The following HOMEZ variants were observed in gnomAD, a reference collection of about 807,000 sequenced individuals.
HOMEZ encodes the protein homeobox and leucine zipper protein Homez.
Under a neutral mutation model 50.1 loss-of-function variants are expected in HOMEZ, and 20 were observed. The observed-to-expected ratio is 0.40, with a 90% CI of 0.28 to 0.58. The LOEUF (loss-of-function observed/expected upper bound fraction) is 0.58. Among genes scored for constraint, HOMEZ ranks in the 20% least tolerant of loss-of-function variants. HOMEZ has a pLI of 0.46. For missense variants in HOMEZ, 579 were observed against 680.5 expected (o/e 0.85, Z 1.66); for synonymous variants, 239 against 254.7 (o/e 0.94, Z 0.59).
intron 1 of HOMEZ, among the ~76,000 whole-genome samples, chr14:23,283,063 C>T (rs1318567890): frequency 6.6e-6 from 1 of 152,082 alleles, no homozygotes; most frequent in East Asian, 1.9e-4. Flanking sequence ...ATCTTGTGTT[C>T]TTGTGTGTCC....
At position 23,274,160 on chromosome 14, in the gene HOMEZ, T is replaced by G. The variant is rs541836082; in HGVS notation, c.*1415A>C. On this transcript the variant is annotated 3_prime_UTR_variant, in exon 2 of 2. Coordinates refer to ENST00000357460, the MANE Select transcript of HOMEZ (RefSeq NM_020834.3). ...TGATACCTATTTGCCATATAGCTGA[T>G]CCCAACTGATGAAAACCATTCTAAA... 1 of 152,726 alleles carries G rather than the reference T, an allele frequency of 6.5e-6. No homozygotes were observed. The highest frequency in any genetic ancestry group is 2.1e-4 in the South Asian group (1 of 4,822). The allele number at this position is 152,726 out of a possible 1,614,324, so 9.5% of individuals were successfully genotyped here.
Position 23,275,398 on chromosome 14 carries a change from C to G in HOMEZ, c.*177G>C. The G allele has an allele frequency of 1.4e-6, 1 of 718,902 alleles. No individual in the cohort carries two copies. The highest frequency in any genetic ancestry group is 2.2e-6 in the Non-Finnish European group (1 of 446,478). 44.5% of individuals were successfully genotyped at this position (718,902 alleles called of 1,614,324 possible). Reference sequence around the variant, plus strand: ...TCCAATCCCAGCCTTACTTAGTGCCCTATGGTCATTCTCCCTGGTCCACCC... The same window carrying G: ...TCCAATCCCAGCCTTACTTAGTGCCGTATGGTCATTCTCCCTGGTCCACCC... On this transcript the variant is annotated 3_prime_UTR_variant, in exon 2 of 2. Coordinates refer to ENST00000357460, the MANE Select transcript of HOMEZ (RefSeq NM_020834.3).
intron 1 of HOMEZ, among the ~76,000 whole-genome samples, chr14:23,278,060 C>A (rs1886408262): frequency 6.6e-6 from 1 of 152,058 alleles, no homozygotes; most frequent in Non-Finnish European, 1.5e-5. Flanking sequence ...AACTCCTGAC[C>A]TCGTGATCCA....
At position 23,275,441 on chromosome 14, in the gene HOMEZ, C is replaced by G; in HGVS notation, c.*134G>C. The G allele has an allele frequency of 1.7e-6, 2 of 1,181,604 alleles. No individual in the cohort carries two copies. The highest frequency in any genetic ancestry group is 2.9e-5 in the Admixed American group (1 of 34,870). 73.2% of individuals were successfully genotyped at this position (1,181,604 alleles called of 1,614,324 possible). On this transcript the variant is annotated 3_prime_UTR_variant, in exon 2 of 2. Transcript: ENST00000357460. Reference sequence around the variant, plus strand: ...GTCCACCCTCACTATATCCCCCTGCCACCCACCCTGAAGAACACAAAGCTT... The same window carrying G: ...GTCCACCCTCACTATATCCCCCTGCGACCCACCCTGAAGAACACAAAGCTT...
rs1277997597 is a variant in HOMEZ, at chr14:23,275,303, T to C, written c.*272A>G. The C allele has an allele frequency of 4.3e-6, 2 of 462,766 alleles. No individual in the cohort carries two copies. The highest frequency in any genetic ancestry group is 7.6e-6 in the Non-Finnish European group (2 of 263,646). The allele number at this position is 462,766 out of a possible 1,614,324, so 28.7% of individuals were successfully genotyped here. A position where few individuals can be genotyped will look rare whatever the true frequency, so the allele number is the denominator to read the frequency against. On this transcript the variant is annotated 3_prime_UTR_variant, in exon 2 of 2. Coordinates refer to ENST00000357460, the MANE Select transcript of HOMEZ (RefSeq NM_020834.3). ...AGACACGAGGAGAGCAAGAGCAGCT[T>C]CCCAGCCCATGGTTTCCCCAGATCC...
Position 23,276,284 on chromosome 14 carries a change from G to A in HOMEZ, c.944C>T (p.Ser315Leu), listed in dbSNP as rs766741914. 1.2e-6 allele frequency: 2 copies of A among 1,613,808 alleles called. No homozygotes were observed. The highest frequency in any genetic ancestry group is 3.3e-5 in the Admixed American group (2 of 59,990). The change falls in exon 2 of 2, where the codon TCA becomes TTA. Residue 315 changes from serine to leucine, a missense_variant. Transcript: ENST00000357460. The surrounding 1 kb of genome is among the most constrained non-coding windows in gnomAD (Gnocchi z 4.1). The stretch of plus-strand genomic sequence containing the variant: ...TAATGCCTGTTCACTGGGTGACACT[G>A]ACTGTGGGACACAGCCTAGTGGCTG... ...PLQPLGCVPQ[S>L]VSPSEQALPP...
rs372025972 is a variant in HOMEZ, at chr14:23,276,320, G to A, written c.908C>T (p.Ser303Phe). 121 of 1,613,770 alleles carry A rather than the reference G, an allele frequency of 7.5e-5. No individual in the cohort carries two copies. Among genetic ancestry groups the A allele is most frequent in the Non-Finnish European group, 9.9e-5 (117 of 1,179,848 alleles). The change falls in exon 2 of 2, where the codon TCT becomes TTT. Residue 303 changes from serine to phenylalanine, a missense_variant. Physicochemically the swap from Ser to Phe is radical, Grantham distance 155. Coordinates refer to ENST00000357460, the MANE Select transcript of HOMEZ (RefSeq NM_020834.3). The surrounding 1 kb of genome is among the most constrained non-coding windows in gnomAD (Gnocchi z 4.1). Reference sequence around the variant, plus strand: ...ACAGCCTAGTGGCTGGAGGGGTTTAGAGGCGGCAGTAGCTCCATTAGCCAG... The same window carrying A: ...ACAGCCTAGTGGCTGGAGGGGTTTAAAGGCGGCAGTAGCTCCATTAGCCAG... ...QVLANGATAA[S>F]KPLQPLGCVP...
chr14:23,274,068 C>T lies in HOMEZ; in HGVS notation c.*1507G>A, dbSNP rs1886280021. 6.6e-6 allele frequency: 1 copy of T among 152,520 alleles called. No homozygotes were observed. Among genetic ancestry groups the T allele is most frequent in the Non-Finnish European group, 1.5e-5 (1 of 67,996 alleles). 9.4% of individuals were successfully genotyped at this position (152,520 alleles called of 1,614,324 possible). ...GAGAGAGAAACAATTTTATTTTTGG[C>T]CTTTTTATTATTATTCTAGCATTTT... On this transcript the variant is annotated 3_prime_UTR_variant, in exon 2 of 2. Transcript: ENST00000357460.
chr14:23,274,444 T>G lies in HOMEZ; in HGVS notation c.*1131A>C, dbSNP rs1207941541. The G allele has an allele frequency of 6.5e-6, 1 of 152,678 alleles. No individual in the cohort carries two copies. Among genetic ancestry groups the G allele is most frequent in the Non-Finnish European group, 1.5e-5 (1 of 68,046 alleles). 9.5% of individuals were successfully genotyped at this position (152,678 alleles called of 1,614,324 possible). On this transcript the variant is annotated 3_prime_UTR_variant, in exon 2 of 2. Transcript: ENST00000357460. ...CACAATTCTACTGTTTAAAAGGACA[T>G]CTTCCCTAATTACCACCTCCAATAA...
At chr14:23,277,579 C>T (rs1277186685) in intron 1 of HOMEZ, among the ~76,000 whole-genome samples, 1 of 151,970 alleles carries the variant, frequency 6.6e-6, no homozygotes, top group Non-Finnish European at 1.5e-5. Flanking sequence ...CACAGTGAGA[C>T]TACAAAAAAT....
chr14:23,286,028 G>A lies in HOMEZ; in HGVS notation c.-76C>T, dbSNP rs1407530645. The stretch of plus-strand genomic sequence containing the variant: ...GGTTGCTGCCCGGTGCGGCCGCTCC[G>A]AGCCCACCCCAGCGATGGCCGAAAC... On this transcript the variant is annotated 5_prime_UTR_variant, in exon 1 of 2. Transcript: ENST00000357460. The A allele has an allele frequency of 1.6e-6, 2 of 1,232,850 alleles. No individual in the cohort carries two copies. Among genetic ancestry groups the A allele is most frequent in the South Asian group, 4.1e-5 (1 of 24,306 alleles). 76.4% of individuals were successfully genotyped at this position (1,232,850 alleles called of 1,614,324 possible). A position where few individuals can be genotyped will look rare whatever the true frequency, so the allele number is the denominator to read the frequency against.
At chr14:23,281,802 TAATAA>T in intron 1 of HOMEZ, among the ~76,000 whole-genome samples, 1 of 96,190 alleles carries the variant, frequency 1.0e-5, no homozygotes, top group East Asian at 3.3e-4. Flanking sequence ...TCTCTACAAA[TAATAA>T]TAATAATAAT....
In HOMEZ at chr14:23,276,409, A is replaced by T. The variant is rs1177316996; in HGVS notation, c.819T>A (p.Cys273Ter). The change falls in exon 2 of 2, where the codon TGT (cysteine) becomes TGA (stop). Residue 273 changes from cysteine to a stop codon, truncating the protein, a stop_gained. Coordinates refer to ENST00000357460, the MANE Select transcript of HOMEZ (RefSeq NM_020834.3). LOFTEE classifies it high-confidence loss of function. This position sits in a 1 kb window ranked among gnomAD's most constrained non-coding sequence, Gnocchi z 4.1. ...TAACACTAGATGCTGACTCCTCCTT[A>T]CAACTACTGGCAATTAATGCAATTG... ...PPPIALIASS[C>*]KEESASSVTP... is the part of the protein sequence containing the mutation. 6.2e-7 allele frequency: 1 copy of T among 1,614,044 alleles called. No individual in the cohort carries two copies. Among genetic ancestry groups the T allele is most frequent in the African/African-American group, 1.3e-5 (1 of 75,064 alleles).
intron 1 of HOMEZ, among the ~76,000 whole-genome samples, chr14:23,282,871 G>A (rs1199606524): frequency 6.6e-6 from 1 of 152,204 alleles, no homozygotes; most frequent in Non-Finnish European, 1.5e-5. Flanking sequence ...CAAAACACCA[G>A]TTATGGAACA....
rs546235900 is a variant in HOMEZ at position 23,286,109 on chromosome 14, G to T, written c.-157C>A. On this transcript the variant is annotated 5_prime_UTR_variant, in exon 1 of 2. Transcript: ENST00000357460. ...CGCGCCGGTCTACCCAGCCCTGCTC[G>T]AGCAAGTTGGAGGCGGGGCGGATGG... 2 of 1,229,724 alleles carry T rather than the reference G, an allele frequency of 1.6e-6. No homozygotes were observed. The highest frequency in any genetic ancestry group is 2.0e-6 in the Non-Finnish European group (2 of 986,902). 76.2% of individuals were successfully genotyped at this position (1,229,724 alleles called of 1,614,324 possible).
intron 1 of HOMEZ, among the ~76,000 whole-genome samples, chr14:23,281,799 A>AAATAATAAT (rs55828215): frequency 1.0e-3 from 143 of 137,442 alleles, no homozygotes; most frequent in Middle Eastern, 7.4e-3. Flanking sequence ...CTGTCTCTAC[A>AAATAATAAT]AATAATAATA....
At position 23,274,402 on chromosome 14, in the gene HOMEZ, C is replaced by T. The variant is rs1299396694; in HGVS notation, c.*1173G>A. Reference sequence around the variant, plus strand: ...TCAACAAGGAGAAACTATTCCCTCTCTTTCACCCCTTTGTAACACAATTCT... The same window carrying T: ...TCAACAAGGAGAAACTATTCCCTCTTTTTCACCCCTTTGTAACACAATTCT... On this transcript the variant is annotated 3_prime_UTR_variant, in exon 2 of 2. Coordinates refer to ENST00000357460, the MANE Select transcript of HOMEZ (RefSeq NM_020834.3). 6.5e-6 allele frequency: 1 copy of T among 152,672 alleles called. No homozygotes were observed. Among genetic ancestry groups the T allele is most frequent in the Non-Finnish European group, 1.5e-5 (1 of 68,046 alleles). 9.5% of individuals were successfully genotyped at this position (152,672 alleles called of 1,614,324 possible).
In HOMEZ at chr14:23,275,623, C is replaced by T. The variant is rs963587001; in HGVS notation, c.1605G>A (p.Glu535=). 6.8e-7 allele frequency: 1 copy of T among 1,467,018 alleles called. No individual in the cohort carries two copies. The highest frequency in any genetic ancestry group is 9.2e-7 in the Non-Finnish European group (1 of 1,087,632). 90.9% of individuals were successfully genotyped at this position (1,467,018 alleles called of 1,614,324 possible). The change falls in exon 2 of 2, where the codon GAG becomes GAA. Residue 535 remains glutamate, a synonymous_variant. Transcript: ENST00000357460. The part of the protein sequence containing the change: ...PEDDEEEEEE[E]EEDDDDDDDD... ...CATCATCATCATCATCATCTTCCTC[C>T]TCCTCCTCCTCCTCTTCCTCATCAT...
At chr14:23,284,774 TAATCTC>T (rs1022516600) in intron 1 of HOMEZ, among the ~76,000 whole-genome samples, 1 of 152,160 alleles carries the variant, frequency 6.6e-6, no homozygotes, top group Non-Finnish European at 1.5e-5. Flanking sequence ...CGGTGGGACT[TAATCTC>T]AAAAGTACTC....
Sources: gnomAD v4.1 joint callset for allele counts (sites outside exome capture counted in the v4.1 genomes callset) on GRCh38, gnomAD v4.1.1 for gene constraint, Gnocchi (gnomAD v3.1) non-coding constraint, MANE v1.5 for transcripts, NCBI Gene and HGNC (gene_info 2026-07-23, HGNC 2026-07-21) for gene names.